Variants in SPMIP8 observed in about 807,000 individuals in gnomAD.
SPMIP8 encodes the protein testicular tissue protein Li 196.
chr16:57,985,464 C>T, the SPMIP8 span: 2 of 1,613,900 alleles, frequency 1.2e-6, no homozygotes, highest in Non-Finnish European at 1.7e-6. Context: ...GCGCCCCTAT[C>T]CCTGCTGCCC....
the SPMIP8 span, among the ~76,000 whole-genome samples, chr16:57,979,666 C>A: frequency 5.3e-5 from 8 of 151,952 alleles, no homozygotes; most frequent in Admixed American, 2.0e-4. Context: ...ACCACCCCCC[C>A]ACCACATTCT....
chr16:57,982,914 C>T, the SPMIP8 span, among the ~76,000 whole-genome samples: 2 of 152,086 alleles, frequency 1.3e-5, no homozygotes, highest in African/African-American at 2.4e-5. Flanking sequence ...CCTGTAATCC[C>T]AGCTACTCGG....
the SPMIP8 span, chr16:57,977,814 G>T: frequency 3.1e-6 from 5 of 1,611,458 alleles, no homozygotes; most frequent in Admixed American, 1.7e-5. Context: ...CTGCCCCCCA[G>T]CTATGGCCCG....
chr16:57,985,319 G>A, the SPMIP8 span: 5 of 1,558,536 alleles, frequency 3.2e-6, no homozygotes, highest in East Asian at 7.0e-5. Flanking sequence ...GGGGGTCCTG[G>A]TGGGGAGCGG....
the SPMIP8 span, chr16:57,987,650 C>A: frequency 4.5e-6 from 2 of 447,708 alleles, no homozygotes; most frequent in Non-Finnish European, 7.6e-6. Context: ...TTACCCTTGC[C>A]CGTCCCCGGC....
the SPMIP8 span, among the ~76,000 whole-genome samples, chr16:57,980,050 C>A: frequency 6.6e-6 from 1 of 152,036 alleles, no homozygotes; most frequent in East Asian, 1.9e-4. Context: ...GGTGACAGAG[C>A]GAGACTCCAT....
chr16:57,977,418 A>AAAAG, the SPMIP8 span, among the ~76,000 whole-genome samples: 2 of 150,952 alleles, frequency 1.3e-5, no homozygotes, highest in East Asian at 1.9e-4. Flanking sequence ...AAAAAAAAAA[A>AAAAG]AAAAAAGAAA....
At chr16:57,984,919 G>C in the SPMIP8 span, 2 of 1,397,842 alleles carry the variant, frequency 1.4e-6, no homozygotes, top group South Asian at 1.5e-5. Flanking sequence ...GCAGAAACAG[G>C]GCGGGGCCGC....
the SPMIP8 span, chr16:57,986,345 GAGATA>G: frequency 7.2e-5 from 13 of 181,476 alleles, no homozygotes; most frequent in Admixed American, 3.1e-4. Flanking sequence ...CACAAGTAAA[GAGATA>G]AGATAAGAAC....
At chr16:57,987,462 C>T in the SPMIP8 span, 43 of 1,575,304 alleles carry the variant, frequency 2.7e-5, no homozygotes, top group African/African-American at 1.2e-4. Flanking sequence ...GGCTGCCGGA[C>T]GGTGCCACCT....
the SPMIP8 span, among the ~76,000 whole-genome samples, chr16:57,983,046 T>A: frequency 2.0e-5 from 3 of 152,170 alleles, no homozygotes; most frequent in African/African-American, 4.8e-5. Context: ...AAATTTTTTT[T>A]AAAGCAAATG....
At chr16:57,987,498 T>C in the SPMIP8 span, 1 of 1,504,632 alleles carries the variant, frequency 6.6e-7, no homozygotes, top group Non-Finnish European at 8.9e-7. Context: ...GACAGAGGAC[T>C]TATGGTGGCA....
chr16:57,986,041 A>C, the SPMIP8 span: 1 of 1,444,286 alleles, frequency 6.9e-7, no homozygotes, highest in Non-Finnish European at 9.2e-7. Flanking sequence ...CCCCTGCCCC[A>C]GCGAGGCCTG....
chr16:57,984,602 G>A, the SPMIP8 span: 2 of 1,518,036 alleles, frequency 1.3e-6, no homozygotes, highest in Non-Finnish European at 1.8e-6. Flanking sequence ...CTGCGGCTAC[G>A]GCCGCGCGGG....
the SPMIP8 span, among the ~76,000 whole-genome samples, chr16:57,982,251 A>G: frequency 6.6e-6 from 1 of 152,238 alleles, no homozygotes; most frequent in African/African-American, 2.4e-5. Flanking sequence ...TCCAGACCAT[A>G]TTAAAATCTC....
the SPMIP8 span, chr16:57,985,560 C>T: frequency 6.3e-7 from 1 of 1,584,398 alleles, no homozygotes; most frequent in South Asian, 1.1e-5. Context: ...AGTGACGCCA[C>T]GCGCCCGGGG....
At chr16:57,983,990 A>C in the SPMIP8 span, among the ~76,000 whole-genome samples, 75 of 151,124 alleles carry the variant, frequency 5.0e-4, no homozygotes, top group Middle Eastern at 0.045. Flanking sequence ...TGAAGCTTCG[A>C]CCTCCTGGAC....
chr16:57,977,732 T>G, the SPMIP8 span: 1 of 1,462,324 alleles, frequency 6.8e-7, no homozygotes, highest in Non-Finnish European at 9.4e-7. Flanking sequence ...ACATCGGCAC[T>G]GGCCAAGGTT....
chr16:57,978,149 C>A, the SPMIP8 span: 3 of 1,284,412 alleles, frequency 2.3e-6, no homozygotes, highest in Non-Finnish European at 2.1e-6. Flanking sequence ...CTGCTCCCTG[C>A]CCAGGACACT....
Sources: gnomAD v4.1 joint callset for allele counts (sites outside exome capture counted in the v4.1 genomes callset) on GRCh38, gnomAD v4.1.1 for gene constraint, MANE v1.5 for transcripts, NCBI Gene and HGNC (gene_info 2026-07-23, HGNC 2026-07-21) for gene names.